Variants in CASD1 observed in about 807,000 individuals in gnomAD.
The protein encoded by CASD1 is N-acetylneuraminate (7)9-O-acetyltransferase.
Under a neutral mutation model 100.0 loss-of-function variants are expected in CASD1, and 41 were observed. That is an observed-to-expected ratio of 0.41 (90% CI 0.32 to 0.53). The LOEUF is 0.53. Ranked by LOEUF, CASD1 falls within the 20% of genes least tolerant of loss-of-function variation. The probability of loss-of-function intolerance (pLI) is 0.25; values close to 1 mark genes in which losing one functional copy is unlikely to be tolerated. For synonymous variants in CASD1, 321 were observed against 315.6 expected, an observed-to-expected ratio of 1.02 and a Z score of -0.18; for missense variants, 774 against 948.7, an observed-to-expected ratio of 0.82 and a Z score of 2.42.
the CASD1 span, among the ~76,000 whole-genome samples, chr7:94,630,893 C>G: frequency 6.6e-6 from 1 of 151,968 alleles, no homozygotes; most frequent in African/African-American, 2.4e-5. Flanking sequence ...AGCAAGATCA[C>G]TGAACTACAT....
intron 10 of CASD1, among the ~76,000 whole-genome samples, chr7:94,539,920 A>G (rs1270626971): frequency 6.6e-6 from 1 of 152,202 alleles, no homozygotes; most frequent in Non-Finnish European, 1.5e-5. Context: ...AGGGTGTGCC[A>G]TACTTCCTAA....
chr7:94,560,188 A>G (rs575093255), downstream of CASD1, among the ~76,000 whole-genome samples: 1 of 152,340 alleles, frequency 6.6e-6, no homozygotes, highest in Non-Finnish European at 1.5e-5. Flanking sequence ...TCATAAGACT[A>G]GACTAGACAG....
chr7:94,568,434 C>T, the CASD1 span, among the ~76,000 whole-genome samples: 1 of 152,036 alleles, frequency 6.6e-6, no homozygotes, highest in Non-Finnish European at 1.5e-5. Context: ...TATTCAAAAA[C>T]TATTCAAAAT....
intron 5 of CASD1, among the ~76,000 whole-genome samples, chr7:94,530,388 G>C (rs1223132779): frequency 6.6e-6 from 1 of 152,082 alleles, no homozygotes; most frequent in African/African-American, 2.4e-5. Flanking sequence ...CACGTGCTTC[G>C]TTTTACAGGG....
At position 94,529,363 on chromosome 7, in the gene CASD1, A is replaced by G. The variant is rs139331391; in HGVS notation, c.459+1113A>G. On this transcript the variant is annotated intron_variant, in intron 5 of 17. Coordinates refer to ENST00000297273, the MANE Select transcript of CASD1 (RefSeq NM_022900.5). The stretch of plus-strand genomic sequence containing the variant: ...ATTTACTAACCTGGAGATATATTAC[A>G]TAACCAAAATTTCAATTCTCATACA... 1.4e-3 allele frequency among the ~76,000 whole-genome samples: 210 copies of G among 152,318 alleles called. 1 individual carries two copies. Among genetic ancestry groups the G allele is most frequent in the African/African-American group, 4.6e-3 (193 of 41,582 alleles).
chr7:94,619,893 T>C, the CASD1 span: 1 of 152,200 alleles, frequency 6.6e-6, no homozygotes, highest in African/African-American at 2.4e-5. Context: ...TAAAAGAGAC[T>C]GCATATATAA....
intron 16 of CASD1, among the ~76,000 whole-genome samples, 199 bp downstream of exon 16, chr7:94,552,626 G>A (rs952295335): frequency 1.3e-5 from 2 of 152,206 alleles, no homozygotes; most frequent in Admixed American, 1.3e-4. Flanking sequence ...TGGAAATGAT[G>A]TAGCTCAGTA....
chr7:94,526,912 G>C (rs1794597562), intron 3 of CASD1, among the ~76,000 whole-genome samples: 1 of 152,206 alleles, frequency 6.6e-6, no homozygotes, highest in Non-Finnish European at 1.5e-5. Flanking sequence ...CTTGTTTGCT[G>C]TTGAAATTTT....
intron 15 of CASD1, 117 bp downstream of exon 15, chr7:94,551,595 A>G (rs1452172067): frequency 7.3e-6 from 3 of 411,762 alleles, no homozygotes; most frequent in African/African-American, 6.3e-5. Flanking sequence ...TTTTCTTTTT[A>G]ATATTTAGAA....
chr7:94,528,235 C>T lies in CASD1; in HGVS notation c.444C>T (p.Ile148=), dbSNP rs761585954. 5 of 1,600,550 alleles carry T rather than the reference C, an allele frequency of 3.1e-6. No individual in the cohort carries two copies. The South Asian group carries it at 3.4e-5, about 11-fold the overall frequency. The part of the protein sequence containing the change: ...PEVNGSMKQC[I]KVWTEDSIAK... Reference sequence around the variant, plus strand: ...TTAATGGTTCTATGAAACAGTGTATCAAAGTGTGGACTGAGGTCTGTATTT... The same window carrying T: ...TTAATGGTTCTATGAAACAGTGTATTAAAGTGTGGACTGAGGTCTGTATTT... The change falls in exon 5 of 18, where the codon ATC becomes ATT. Residue 148 remains isoleucine, a synonymous_variant. Transcript: ENST00000297273.
At chr7:94,587,161 A>G in the CASD1 span, 2 of 984,712 alleles carry the variant, frequency 2.0e-6, no homozygotes, top group South Asian at 4.7e-5. Context: ...TTTGGCTCTT[A>G]TATTTGTTTA....
intron 4 of CASD1, among the ~76,000 whole-genome samples, chr7:94,527,636 C>T (rs1454859467): frequency 6.6e-6 from 1 of 152,122 alleles, no homozygotes. Flanking sequence ...CATTTTCCTC[C>T]ATGCAGAAGT....
At chr7:94,535,947 C>T (rs1218798521) in intron 8 of CASD1, among the ~76,000 whole-genome samples, 1 of 151,960 alleles carries the variant, frequency 6.6e-6, no homozygotes. Flanking sequence ...TTATTATTTC[C>T]CTATAGCTCT....
rs1562950554 is a variant in CASD1 at position 94,552,435 on chromosome 7, CTT to C, written c.2034+9_2034+10del. On this transcript the variant is annotated intron_variant, in intron 16 of 17. Coordinates refer to ENST00000297273, the MANE Select transcript of CASD1 (RefSeq NM_022900.5). ...TCTGTTTCTGTGGTACAGGTACTAT[CTT>C]GATTTAGAGAAATTTCTACATCTTA... 1 of 1,580,116 alleles carries C rather than the reference CTT, an allele frequency of 6.3e-7. No individual in the cohort carries two copies. Among genetic ancestry groups the C allele is most frequent in the Admixed American group, 2.0e-5 (1 of 50,576 alleles).
the CASD1 span, among the ~76,000 whole-genome samples, chr7:94,615,605 G>A: frequency 1.3e-5 from 2 of 152,238 alleles, no homozygotes; most frequent in Admixed American, 1.3e-4. Flanking sequence ...ATCAGTGGGA[G>A]TACTTTGTGA....
chr7:94,516,942 C>G (rs899559562), intron 1 of CASD1, among the ~76,000 whole-genome samples: 1 of 150,998 alleles, frequency 6.6e-6, no homozygotes, highest in African/African-American at 2.4e-5. Flanking sequence ...CTAGCTCTGT[C>G]ACCCAGGCTG....
At chr7:94,625,180 A>G in the CASD1 span, 1 of 152,026 alleles carries the variant, frequency 6.6e-6, no homozygotes, top group Non-Finnish European at 1.5e-5. Flanking sequence ...TAAATATTTC[A>G]GATAAAAATC....
At chr7:94,540,143 A>G (rs2116351759) in intron 10 of CASD1, among the ~76,000 whole-genome samples, 1 of 152,330 alleles carries the variant, frequency 6.6e-6, no homozygotes, top group South Asian at 2.1e-4. Context: ...AGTTACAACA[A>G]ACTTTTGTGG....
the CASD1 span, among the ~76,000 whole-genome samples, chr7:94,580,867 G>C: frequency 1.3e-5 from 2 of 152,162 alleles, no homozygotes; most frequent in Admixed American, 6.5e-5. Flanking sequence ...AATTAACAGG[G>C]AGTAGTCAGC....
Sources: gnomAD v4.1 joint callset for allele counts (sites outside exome capture counted in the v4.1 genomes callset) on GRCh38, gnomAD v4.1.1 for gene constraint, MANE v1.5 for transcripts, NCBI Gene and HGNC (gene_info 2026-07-23, HGNC 2026-07-21) for gene names.